DPP10: variants seen among roughly 807,000 people sequenced by gnomAD.
DPP10 encodes the protein inactive dipeptidyl peptidase 10.
Under a neutral mutation model 120.9 loss-of-function variants are expected in DPP10, and 33 were observed. The ratio of observed to expected loss-of-function variants is 0.27; its 90% CI spans 0.21 to 0.37. The LOEUF is 0.37. DPP10 is among the 10% of genes least tolerant of loss of function. The pLI, the probability that DPP10 is intolerant of heterozygous loss-of-function variation, is 1.00. For synonymous variants in DPP10, 337 were observed against 326.1 expected (o/e 1.03, Z -0.36); for missense variants, 816 against 942.8 (o/e 0.87, Z 1.76).
chr2:115,290,193 T>C (rs1174844464), intron 1 of DPP10, among the ~76,000 whole-genome samples: 1 of 152,098 alleles, frequency 6.6e-6, no homozygotes, highest in Non-Finnish European at 1.5e-5. Flanking sequence ...GCAAGTGATA[T>C]GTAAATTGTA....
intron 1 of DPP10, among the ~76,000 whole-genome samples, chr2:115,129,504 T>C (rs2050235110): frequency 6.6e-6 from 1 of 152,232 alleles, no homozygotes; most frequent in Non-Finnish European, 1.5e-5. Context: ...CCTTGTTCTA[T>C]GCTCTGTAAA....
rs182081790 is a variant in DPP10 at position 115,584,941 on chromosome 2, A to G, written c.441+58969A>G. Among the ~76,000 whole-genome samples, 89 of 152,350 alleles carry G rather than the reference A, an allele frequency of 5.8e-4. 1 individual carries two copies. The South Asian group carries it at 9.7e-3, about 17-fold the overall frequency. On this transcript the variant is annotated intron_variant, in intron 5 of 25. Coordinates refer to ENST00000410059, the MANE Select transcript of DPP10 (RefSeq NM_020868.6). ...TGTTTAAGGAAATAAGATATTTTGCAATTTACACTATGGGATCTGATGAAC... is the reference window on the plus strand; with the variant it reads ...TGTTTAAGGAAATAAGATATTTTGCGATTTACACTATGGGATCTGATGAAC...
intron 5 of DPP10, among the ~76,000 whole-genome samples, chr2:115,617,017 T>C (rs939017212): frequency 6.6e-6 from 1 of 151,338 alleles, no homozygotes; most frequent in African/African-American, 2.4e-5. Flanking sequence ...CCCTCTTTTT[T>C]ACATGTCCCC....
chr2:115,203,988 A>G (rs2055932010), intron 1 of DPP10, among the ~76,000 whole-genome samples: 1 of 152,172 alleles, frequency 6.6e-6, no homozygotes, highest in South Asian at 2.1e-4. Context: ...TCAAATGAAT[A>G]CCTAAATGAC....
At chr2:114,511,755 C>CAAT (rs1684164726) in intron 1 of DPP10, among the ~76,000 whole-genome samples, 1 of 152,186 alleles carries the variant, frequency 6.6e-6, no homozygotes, top group Non-Finnish European at 1.5e-5. Flanking sequence ...CCAAACCTTA[C>CAAT]AATAGCTCAA....
chr2:114,452,538 C>A (rs1293333133), intron 1 of DPP10, among the ~76,000 whole-genome samples: 1 of 152,050 alleles, frequency 6.6e-6, no homozygotes, highest in Non-Finnish European at 1.5e-5. Flanking sequence ...GAAAAATAGG[C>A]AAACGTGAGC....
intron 1 of DPP10, among the ~76,000 whole-genome samples, chr2:115,054,076 A>C: frequency 6.6e-6 from 1 of 152,208 alleles, no homozygotes; most frequent in East Asian, 1.9e-4. Context: ...TACAAGTAGG[A>C]TAGAGCAGCT....
At chr2:114,688,689 A>G (rs949864306) in intron 1 of DPP10, among the ~76,000 whole-genome samples, 1 of 151,996 alleles carries the variant, frequency 6.6e-6, no homozygotes, top group African/African-American at 2.4e-5. Context: ...CCACAGTCTA[A>G]GTGACTGACA....
intron 1 of DPP10, among the ~76,000 whole-genome samples, chr2:114,982,262 A>G (rs989277464): frequency 3.3e-5 from 5 of 152,224 alleles, no homozygotes; most frequent in African/African-American, 7.2e-5. Context: ...GGATTACTAC[A>G]AAAATAGATT....
intron 1 of DPP10, among the ~76,000 whole-genome samples, chr2:114,469,276 G>C (rs1369995093): frequency 6.6e-6 from 1 of 152,210 alleles, no homozygotes; most frequent in Non-Finnish European, 1.5e-5. Flanking sequence ...TGCAAAAGTT[G>C]CTCAAATGGA....
chr2:114,554,721 G>A (rs80105765), intron 1 of DPP10, among the ~76,000 whole-genome samples: 4 of 152,094 alleles, frequency 2.6e-5, no homozygotes, highest in South Asian at 2.1e-4. Flanking sequence ...TGCCCATTCC[G>A]GGCTTTAACA....
intron 3 of DPP10, among the ~76,000 whole-genome samples, chr2:115,456,278 T>C (rs1296333215): frequency 6.6e-6 from 1 of 152,080 alleles, no homozygotes; most frequent in Non-Finnish European, 1.5e-5. Context: ...TCACGCCAGT[T>C]AGAATGGCAA....
rs568480619 is a variant in DPP10 at position 114,764,300 on chromosome 2, T to A, written c.60+321462T>A. ...TTAAATTGCCTTTTTTTTTTTTTTT[T>A]ATCATGTTTCTGTTACATTCAGGCT... On this transcript the variant is annotated intron_variant, in intron 1 of 25. Transcript: ENST00000410059. Among the ~76,000 whole-genome samples the A allele has an allele frequency of 3.2e-3, 475 of 148,512 alleles. 3 individuals are homozygous for A. The highest frequency in any genetic ancestry group is 0.011 in the African/African-American group (452 of 39,980).
chr2:114,628,772 G>A (rs761529726), intron 1 of DPP10, among the ~76,000 whole-genome samples: 4 of 152,118 alleles, frequency 2.6e-5, no homozygotes, highest in Non-Finnish European at 4.4e-5. Context: ...GCGAACGAAC[G>A]GCTGTCCTTG....
chr2:115,097,974 G>A (rs1027412178), intron 1 of DPP10, among the ~76,000 whole-genome samples: 3 of 152,184 alleles, frequency 2.0e-5, no homozygotes, highest in Admixed American at 6.5e-5. Context: ...GTGGGGTGAA[G>A]GAACCTGGAC....
At chr2:114,467,272 G>A (rs1287794426) in intron 1 of DPP10, among the ~76,000 whole-genome samples, 1 of 152,186 alleles carries the variant, frequency 6.6e-6, no homozygotes, top group Non-Finnish European at 1.5e-5. Context: ...AGGTCAGCAA[G>A]TAAATCAATG....
chr2:115,814,941 C>A lies in DPP10; in HGVS notation c.1849C>A (p.Arg617=). The A allele has an allele frequency of 6.2e-7, 1 of 1,611,734 alleles. No individual in the cohort carries two copies. Among genetic ancestry groups the A allele is most frequent in the Non-Finnish European group, 8.5e-7 (1 of 1,178,402 alleles). The part of the protein sequence containing the change: ...QGLKILQEIH[R]RLGSVEVKDQ... Reference sequence around the variant, plus strand: ...TCTGAAAATTTTGCAGGAGATTCATCGAAGATTAGGTTCAGTAGAAGTAAA... The same window carrying A: ...TCTGAAAATTTTGCAGGAGATTCATAGAAGATTAGGTTCAGTAGAAGTAAA... Residue 617 remains arginine (R), a synonymous_variant, in exon 20 of 26, where the codon CGA becomes AGA. Coordinates refer to ENST00000410059, the MANE Select transcript of DPP10 (RefSeq NM_020868.6).
intron 1 of DPP10, among the ~76,000 whole-genome samples, chr2:114,921,598 A>G (rs1203842334): frequency 6.6e-6 from 1 of 152,220 alleles, no homozygotes; most frequent in Non-Finnish European, 1.5e-5. Flanking sequence ...AAATGTGTAG[A>G]GAATATGTAG....
intron 1 of DPP10, among the ~76,000 whole-genome samples, chr2:115,115,695 T>G (rs576386122): frequency 6.6e-6 from 1 of 152,334 alleles, no homozygotes; most frequent in Non-Finnish European, 1.5e-5. Context: ...CCGCATGGCA[T>G]TTTTAAGTTA....
Sources: gnomAD v4.1 joint callset for allele counts (sites outside exome capture counted in the v4.1 genomes callset) on GRCh38, gnomAD v4.1.1 for gene constraint, MANE v1.5 for transcripts, NCBI Gene and HGNC (gene_info 2026-07-23, HGNC 2026-07-21) for gene names.